SOX5: variants seen among roughly 807,000 people sequenced by gnomAD.
SOX5 encodes the protein transcription factor SOX-5.
A neutral mutation model predicts 92.0 loss-of-function variants in SOX5; 9 were observed. The ratio of observed to expected loss-of-function variants is 0.10; its 90% CI spans 0.06 to 0.17. The LOEUF is 0.17. Among genes scored for constraint, SOX5 ranks in the 10% least tolerant of loss-of-function variants. The pLI, the probability that SOX5 is intolerant of heterozygous loss-of-function variation, is 1.00. For missense variants in SOX5, 642 were observed against 944.5 expected (o/e 0.68, Z 4.20); for synonymous variants, 344 against 336.3 (o/e 1.02, Z -0.25).
At chr12:23,778,379 T>C (rs796655241) in intron 3 of SOX5, among the ~76,000 whole-genome samples, 4 of 152,246 alleles carry the variant, frequency 2.6e-5, no homozygotes, top group African/African-American at 9.6e-5. Context: ...TTTTATAAGC[T>C]AAAAGGAGTT....
chr12:24,341,498 T>C (rs1183293085), intron 2 of SOX5, among the ~76,000 whole-genome samples: 2 of 152,188 alleles, frequency 1.3e-5, no homozygotes, highest in Non-Finnish European at 2.9e-5. Context: ...AAATCAAATG[T>C]CATGCTTTAT....
chr12:24,425,979 C>T (rs1966695541), intron 1 of SOX5, among the ~76,000 whole-genome samples: 1 of 152,090 alleles, frequency 6.6e-6, no homozygotes. Flanking sequence ...TATGTTTAGC[C>T]CTCAGTGAGA....
chr12:23,800,567 C>A (rs1365037181), intron 3 of SOX5, among the ~76,000 whole-genome samples: 1 of 150,972 alleles, frequency 6.6e-6, no homozygotes, highest in Non-Finnish European at 1.5e-5. Flanking sequence ...AAAAAAAAAA[C>A]AACTTTGGTA....
At chr12:23,808,718 C>T (rs541557446) in intron 3 of SOX5, among the ~76,000 whole-genome samples, 6 of 152,024 alleles carry the variant, frequency 3.9e-5, no homozygotes, top group African/African-American at 7.2e-5. Context: ...ACAGTCTTAT[C>T]GTAATCCATT....
chr12:23,840,744 G>T (rs1254073793), intron 3 of SOX5, among the ~76,000 whole-genome samples: 2 of 152,094 alleles, frequency 1.3e-5, no homozygotes, highest in Non-Finnish European at 2.9e-5. Flanking sequence ...ATGGTCTTTT[G>T]AACAAATGGT....
At chr12:24,128,527 T>C (rs976440063) in intron 4 of SOX5, among the ~76,000 whole-genome samples, 1 of 152,110 alleles carries the variant, frequency 6.6e-6, no homozygotes, top group Non-Finnish European at 1.5e-5. Context: ...AAACTTGATA[T>C]TTTGGCTGAG....
chr12:24,001,467 T>C (rs1454893874), intron 4 of SOX5, among the ~76,000 whole-genome samples: 2 of 152,084 alleles, frequency 1.3e-5, no homozygotes, highest in Admixed American at 1.3e-4. Flanking sequence ...CAGTAAATAT[T>C]TGGAAATTAA....
intron 2 of SOX5, among the ~76,000 whole-genome samples, chr12:23,890,943 G>T (rs766626887): frequency 1.3e-5 from 2 of 152,236 alleles, no homozygotes; most frequent in African/African-American, 4.8e-5. Flanking sequence ...TCAACTGTGC[G>T]AAGATTATAT....
chr12:24,245,564 C>G (rs980086499), intron 3 of SOX5, among the ~76,000 whole-genome samples: 2 of 152,112 alleles, frequency 1.3e-5, no homozygotes, highest in Non-Finnish European at 2.9e-5. Flanking sequence ...GACGGGGTAA[C>G]ACACTTGGTG....
intron 1 of SOX5, among the ~76,000 whole-genome samples, chr12:24,496,714 G>T (rs1056631376): frequency 6.6e-6 from 1 of 152,134 alleles, no homozygotes; most frequent in Non-Finnish European, 1.5e-5. Flanking sequence ...CGTTTATACC[G>T]TGTTTTCCAA....
At chr12:23,779,814 T>TATATATATATATATATATACACACAC (rs777013504) in intron 3 of SOX5, among the ~76,000 whole-genome samples, 1 of 110,812 alleles carries the variant, frequency 9.0e-6, no homozygotes, top group African/African-American at 3.7e-5. Context: ...TATATATATA[T>TATATATATATATATATATACACACAC]ACACACACAC....
chr12:24,006,492 T>C, intron 4 of SOX5, among the ~76,000 whole-genome samples: 1 of 152,032 alleles, frequency 6.6e-6, no homozygotes, highest in Non-Finnish European at 1.5e-5. Context: ...TGAGCATAAG[T>C]CACTCAGTCC....
At chr12:24,548,308 T>C (rs1160066786) in intron 1 of SOX5, among the ~76,000 whole-genome samples, 1 of 152,206 alleles carries the variant, frequency 6.6e-6, no homozygotes, top group Non-Finnish European at 1.5e-5. Flanking sequence ...GCCATAAAGA[T>C]AGTTACAGAT....
At chr12:24,145,602 T>A (rs1951003635) in intron 4 of SOX5, among the ~76,000 whole-genome samples, 1 of 152,134 alleles carries the variant, frequency 6.6e-6, no homozygotes. Context: ...GCTCAAGAAA[T>A]CCTCCTGCCT....
intron 3 of SOX5, among the ~76,000 whole-genome samples, chr12:23,800,531 C>T (rs377003079): frequency 6.6e-6 from 1 of 151,654 alleles, no homozygotes; most frequent in Non-Finnish European, 1.5e-5. Flanking sequence ...AATGATACAA[C>T]GTTTAGGTAT....
chr12:23,696,376 G>GTT (rs1383752076), intron 6 of SOX5, among the ~76,000 whole-genome samples: 1 of 152,060 alleles, frequency 6.6e-6, no homozygotes, highest in African/African-American at 2.4e-5. Flanking sequence ...AGGGTTATCT[G>GTT]TTATATATAA....
At chr12:23,743,468 C>A (rs1418512325) in intron 4 of SOX5, among the ~76,000 whole-genome samples, 1 of 152,018 alleles carries the variant, frequency 6.6e-6, no homozygotes, top group Non-Finnish European at 1.5e-5. Flanking sequence ...TGCCACCATG[C>A]CTGGCTAATT....
At chr12:23,733,612 T>C (rs1017546633) in intron 6 of SOX5, among the ~76,000 whole-genome samples, 1 of 152,138 alleles carries the variant, frequency 6.6e-6, no homozygotes, top group Non-Finnish European at 1.5e-5. Context: ...GTCTGCTAAA[T>C]CCATCAAAAT....
At chr12:24,288,456 T>G (rs1182278676) in intron 2 of SOX5, among the ~76,000 whole-genome samples, 1 of 152,174 alleles carries the variant, frequency 6.6e-6, no homozygotes, top group Non-Finnish European at 1.5e-5. Flanking sequence ...AGTCACTAAT[T>G]CCACAAAATG....
Sources: gnomAD v4.1 joint callset for allele counts (sites outside exome capture counted in the v4.1 genomes callset) on GRCh38, gnomAD v4.1.1 for gene constraint, MANE v1.5 for transcripts, NCBI Gene and HGNC (gene_info 2026-07-23, HGNC 2026-07-21) for gene names.